NACC2: variants seen among roughly 807,000 people sequenced by gnomAD.
The protein encoded by NACC2 is nucleus accumbens-associated protein 2.
A neutral mutation model predicts 25.1 loss-of-function variants in NACC2; 8 were observed. That is an observed-to-expected ratio of 0.32 (90% CI 0.19 to 0.57). The LOEUF is 0.57. NACC2 is among the 20% of genes least tolerant of loss of function. The pLI is 0.89. For synonymous variants in NACC2, 435 were observed against 294.7 expected (o/e 1.48, Z -4.88); for missense variants, 644 against 650.2 (o/e 0.99, Z 0.10).
intron 1 of NACC2, 29 bp downstream of exon 1, chr9:136,095,160 G>A (rs1451158507): frequency 6.8e-6 from 1 of 146,902 alleles, no homozygotes; most frequent in Non-Finnish European, 1.5e-5. Flanking sequence ...GTAACCCGGG[G>A]GCGGCCGCGC....
Position 136,030,702 on chromosome 9 carries a change from C to T in NACC2, c.887-14273G>A, listed in dbSNP as rs190804585. On this transcript the variant is annotated intron_variant, in intron 2 of 5. Coordinates refer to ENST00000277554, the MANE Select transcript of NACC2 (RefSeq NM_144653.5). ...TTGAGATGGCAGTCTCGCTCTGTCA[C>T]CCAGGTTGGAGTGCAGTGGTGTCAT... Among the ~76,000 whole-genome samples the T allele has an allele frequency of 3.3e-5, 5 of 152,240 alleles. No individual in the cohort carries two copies. The East Asian group carries it at 9.7e-4, about 29-fold the overall frequency.
chr9:136,060,804 G>GCCCTCCCCTGCTCAT (rs1840998853), intron 1 of NACC2, among the ~76,000 whole-genome samples: 1 of 152,248 alleles, frequency 6.6e-6, no homozygotes, highest in Admixed American at 6.5e-5. Context: ...CCAGGCTTCA[G>GCCCTCCCCTGCTCAT]CCCTCCCCTG....
rs1409428703 is a variant in NACC2, at chr9:136,042,869, CAAACAG to C, written c.886+6761_886+6766del. 2.3e-4 allele frequency among the ~76,000 whole-genome samples: 29 copies of C among 126,636 alleles called. 1 individual carries two copies. Among genetic ancestry groups the C allele is most frequent in the East Asian group, 1.3e-3 (4 of 3,050 alleles). 83.1% of individuals were successfully genotyped at this position (126,636 alleles called of 152,430 possible). A position where few individuals can be genotyped will look rare whatever the true frequency, so the allele number is the denominator to read the frequency against. On this transcript the variant is annotated intron_variant, in intron 2 of 5. Transcript: ENST00000277554. ...ACAGACACACACAGAGACACAGAGA[CAAACAG>C]ACACACACACAGACACATACAGACA... is the stretch of plus-strand genomic sequence containing the variant.
intron 5 of NACC2, 53 bp from the exon 6 acceptor site, chr9:136,012,077 C>T (rs1224619628): frequency 8.2e-6 from 12 of 1,465,264 alleles, no homozygotes; most frequent in African/African-American, 2.9e-5. Context: ...GGAGGCCCGC[C>T]CCTCCCCAAG....
At chr9:136,050,820 C>T (rs997282434) in intron 1 of NACC2, among the ~76,000 whole-genome samples, 32 of 152,260 alleles carry the variant, frequency 2.1e-4, no homozygotes, top group African/African-American at 6.3e-4. Flanking sequence ...GGGTGCTGCC[C>T]GGCAGGAGTG....
At chr9:136,031,040 T>C (rs1840465435) in intron 2 of NACC2, among the ~76,000 whole-genome samples, 1 of 152,134 alleles carries the variant, frequency 6.6e-6, no homozygotes, top group African/African-American at 2.4e-5. Context: ...AGGAAATAGA[T>C]TATGTGAACT....
rs1840309008 is a variant in NACC2 at position 136,022,659 on chromosome 9, C to T, written c.887-6230G>A. Among the ~76,000 whole-genome samples, 1 of 152,138 alleles carries T rather than the reference C, an allele frequency of 6.6e-6. No homozygotes were observed. The highest frequency in any genetic ancestry group is 1.9e-4 in the East Asian group (1 of 5,160). ...GGCTCACCCTGCTGGTCAGTGTCCC[C>T]AGGGCCTGGCACACAGCATGCGCCT... is the stretch of plus-strand genomic sequence containing the variant. On this transcript the variant is annotated intron_variant, in intron 2 of 5. Coordinates refer to ENST00000277554, the MANE Select transcript of NACC2 (RefSeq NM_144653.5). The surrounding 1 kb of genome is among the most constrained non-coding windows in gnomAD (Gnocchi z 4.4).
In NACC2 at chr9:136,022,292, G is replaced by T. The variant is rs147264094; in HGVS notation, c.887-5863C>A. 4.5e-3 allele frequency among the ~76,000 whole-genome samples: 680 copies of T among 152,316 alleles called. 2 individuals are homozygous for T. The highest frequency in any genetic ancestry group is 7.0e-3 in the Non-Finnish European group (474 of 68,014). On this transcript the variant is annotated intron_variant, in intron 2 of 5. Transcript: ENST00000277554. This position sits in a 1 kb window ranked among gnomAD's most constrained non-coding sequence, Gnocchi z 4.4. ...GTAACGGGTGCCCCACATGCAGTGGGCCTCGGGGAGATGACCACACTCTCC... is the reference window on the plus strand; with the variant it reads ...GTAACGGGTGCCCCACATGCAGTGGTCCTCGGGGAGATGACCACACTCTCC...
intron 1 of NACC2, among the ~76,000 whole-genome samples, chr9:136,078,374 C>T (rs1291340016): frequency 6.6e-6 from 1 of 152,256 alleles, no homozygotes; most frequent in Non-Finnish European, 1.5e-5. Flanking sequence ...CCAAATAATT[C>T]TGGCTCTCTC....
At chr9:136,073,626 A>G (rs2131179927) in intron 1 of NACC2, among the ~76,000 whole-genome samples, 1 of 139,998 alleles carries the variant, frequency 7.1e-6, no homozygotes, top group East Asian at 2.3e-4. Flanking sequence ...ACTCCAGTGG[A>G]TGTATGGACA....
rs1430986912 is a variant in NACC2 at position 136,050,195 on chromosome 9, G to C, written c.327C>G (p.Ile109Met). The C allele has an allele frequency of 1.3e-6, 1 of 772,456 alleles. No homozygotes were observed. Among genetic ancestry groups the C allele is most frequent in the Non-Finnish European group, 2.4e-6 (1 of 415,826 alleles). The allele number at this position is 772,456 out of a possible 1,614,324, so 47.9% of individuals were successfully genotyped here. The change falls in exon 2 of 6, where the codon ATC (isoleucine) becomes ATG (methionine). Residue 109 changes from isoleucine to methionine, a missense_variant. Ile to Met is a conservative substitution (Grantham distance 10, BLOSUM62 1). Transcript: ENST00000277554. Reference sequence around the variant, plus strand: ...CGGTGCCGCGCTCCACGATGTGCTGGATCTGCAGGAAGCCGGCCGTGTACA... The same window carrying C: ...CGGTGCCGCGCTCCACGATGTGCTGCATCTGCAGGAAGCCGGCCGTGTACA... ...VVMYTAGFLQ[I>M]QHIVERGTDL...
chr9:136,013,191 G>T lies in NACC2; in HGVS notation c.1255+8C>A. ...CCCCACCCACCCGAGAGACCCCCAG[G>T]CTCTTACATTTCACAGCGTTCAGGA... On this transcript the variant is annotated splice_region_variant and intron_variant, in intron 5 of 5. Coordinates refer to ENST00000277554, the MANE Select transcript of NACC2 (RefSeq NM_144653.5). The surrounding 1 kb of genome is among the most constrained non-coding windows in gnomAD (Gnocchi z 6.6). 1.2e-6 allele frequency: 1 copy of T among 860,906 alleles called. No homozygotes were observed. Among genetic ancestry groups the T allele is most frequent in the Non-Finnish European group, 1.8e-6 (1 of 558,448 alleles). The allele number at this position is 860,906 out of a possible 1,614,324, so 53.3% of individuals were successfully genotyped here. A position where few individuals can be genotyped will look rare whatever the true frequency, so the allele number is the denominator to read the frequency against.
intron 1 of NACC2, among the ~76,000 whole-genome samples, chr9:136,061,598 T>C (rs558300726): frequency 1.3e-5 from 2 of 152,248 alleles, no homozygotes; most frequent in Admixed American, 6.5e-5. Context: ...GTTGAGACCC[T>C]GTGCGGCTCA....
chr9:136,075,291 G>T (rs952941467), intron 1 of NACC2, among the ~76,000 whole-genome samples: 10 of 152,254 alleles, frequency 6.6e-5, no homozygotes, highest in Admixed American at 5.9e-4. Context: ...GGATGAGGGA[G>T]AGCTGGCTGC....
At chr9:136,082,185 G>C (rs1424819817) in intron 1 of NACC2, among the ~76,000 whole-genome samples, 1 of 152,198 alleles carries the variant, frequency 6.6e-6, no homozygotes, top group Non-Finnish European at 1.5e-5. Flanking sequence ...GTGGGGCTGA[G>C]GGATGCCCCC....
chr9:136,027,798 C>T (rs1840415964), intron 2 of NACC2, among the ~76,000 whole-genome samples: 1 of 151,930 alleles, frequency 6.6e-6, no homozygotes, highest in South Asian at 2.1e-4. Context: ...CTCTCAAAAA[C>T]TAGGAATATA....
At chr9:136,087,816 A>G (rs1202416958) in intron 1 of NACC2, among the ~76,000 whole-genome samples, 1 of 152,186 alleles carries the variant, frequency 6.6e-6, no homozygotes, top group Non-Finnish European at 1.5e-5. Flanking sequence ...AAGATCCCCA[A>G]CGAGGCCCCA....
chr9:136,051,021 G>C (rs572550786), intron 1 of NACC2, among the ~76,000 whole-genome samples: 1 of 152,220 alleles, frequency 6.6e-6, no homozygotes, highest in African/African-American at 2.4e-5. Flanking sequence ...GGCCGCGCTG[G>C]AGCAGCGGGG....
chr9:136,089,126 C>A (rs576737501), intron 1 of NACC2, among the ~76,000 whole-genome samples: 2 of 152,204 alleles, frequency 1.3e-5, no homozygotes, highest in Non-Finnish European at 2.9e-5. Flanking sequence ...TACGCGGTTA[C>A]GTTTGCAGCA....
Sources: gnomAD v4.1 joint callset for allele counts (sites outside exome capture counted in the v4.1 genomes callset) on GRCh38, gnomAD v4.1.1 for gene constraint, Gnocchi (gnomAD v3.1) non-coding constraint, MANE v1.5 for transcripts, NCBI Gene and HGNC (gene_info 2026-07-23, HGNC 2026-07-21) for gene names.